NREP: variants seen among roughly 807,000 people sequenced by gnomAD.
NREP encodes the protein neuronal regeneration related protein.
In NREP, 5 loss-of-function variants were observed where a neutral mutation model predicts 8.6. The ratio of observed to expected loss-of-function variants is 0.58; its 90% CI spans 0.30 to 1.22. The LOEUF (loss-of-function observed/expected upper bound fraction) is 1.22. Ranked by LOEUF, NREP falls within the 50% of genes most tolerant of loss-of-function variation. The probability of loss-of-function intolerance (pLI) is 0.07; values close to 1 mark genes in which losing one functional copy is unlikely to be tolerated. For missense variants in NREP, 86 were observed against 82.5 expected (o/e 1.04, Z -0.17); for synonymous variants, 27 against 28.0 (o/e 0.96, Z 0.11).
At chr5:111,784,217 T>C (rs905466467) in intron 2 of NREP, among the ~76,000 whole-genome samples, 1 of 152,086 alleles carries the variant, frequency 6.6e-6, no homozygotes, top group Non-Finnish European at 1.5e-5. Flanking sequence ...ATAAAGGATA[T>C]TGGATTTTTT....
chr5:111,879,744 T>G (rs779671933), intron 2 of NREP, among the ~76,000 whole-genome samples: 1 of 152,232 alleles, frequency 6.6e-6, no homozygotes, highest in Non-Finnish European at 1.5e-5. Flanking sequence ...GGGGCCAGCA[T>G]AGTTGAGCTT....
Position 111,942,739 on chromosome 5 carries a change from A to G in NREP, c.135+32535T>C, listed in dbSNP as rs1434395075. Among the ~76,000 whole-genome samples, 3 of 152,094 alleles carry G rather than the reference A, an allele frequency of 2.0e-5. No individual in the cohort carries two copies. In the East Asian group the frequency reaches 5.8e-4, roughly 29 times the overall value. ...AAAATATTTTACTGTCATCACCCAT[A>G]TAATTAAGAGGCTGTACATAAAAGA... is the stretch of plus-strand genomic sequence containing the variant. On this transcript the variant is annotated intron_variant, in intron 2 of 3. Transcript: ENST00000395634.
At chr5:111,735,583 G>A in intron 2 of NREP, 76 bp from the exon 3 acceptor site, 4 of 1,035,440 alleles carry the variant, frequency 3.9e-6, no homozygotes, top group East Asian at 4.8e-5. Flanking sequence ...TAACCTTAAT[G>A]AGCTCAATTC....
chr5:111,780,159 C>T (rs1751459405), intron 2 of NREP, among the ~76,000 whole-genome samples: 1 of 152,160 alleles, frequency 6.6e-6, no homozygotes, highest in Non-Finnish European at 1.5e-5. Flanking sequence ...GAATAAATCT[C>T]TTCACTGTTC....
At chr5:111,845,857 CAAAAA>C (rs553513873) in intron 2 of NREP, among the ~76,000 whole-genome samples, 4 of 130,100 alleles carry the variant, frequency 3.1e-5, no homozygotes, top group African/African-American at 1.1e-4. Context: ...GTAATTCTAC[CAAAAA>C]AAAAAAAGAA....
At chr5:111,930,837 G>A (rs1281040720) in intron 2 of NREP, among the ~76,000 whole-genome samples, 1 of 152,138 alleles carries the variant, frequency 6.6e-6, no homozygotes, top group Non-Finnish European at 1.5e-5. Flanking sequence ...TGGTCAAGGA[G>A]TTAAGACAGA....
chr5:111,832,947 T>G (rs1752808906), intron 2 of NREP, among the ~76,000 whole-genome samples: 1 of 152,188 alleles, frequency 6.6e-6, no homozygotes, highest in Non-Finnish European at 1.5e-5. Flanking sequence ...TAACCTGGCT[T>G]GGAGGCCACA....
intron 2 of NREP, among the ~76,000 whole-genome samples, chr5:111,963,687 A>T (rs1019897973): frequency 4.6e-5 from 7 of 152,222 alleles, no homozygotes; most frequent in Non-Finnish European, 1.0e-4. Flanking sequence ...AAAAGGAAGA[A>T]AAGACAGAAT....
chr5:111,922,552 G>T (rs1245411408), intron 2 of NREP, among the ~76,000 whole-genome samples: 2 of 152,132 alleles, frequency 1.3e-5, no homozygotes, highest in Non-Finnish European at 2.9e-5. Context: ...CCCATTCTCT[G>T]AGCTCGATGG....
At chr5:111,901,590 G>C (rs1754648723) in intron 2 of NREP, among the ~76,000 whole-genome samples, 1 of 151,992 alleles carries the variant, frequency 6.6e-6, no homozygotes, top group Non-Finnish European at 1.5e-5. Context: ...AAAACTCTTA[G>C]AACTAGTCAA....
At chr5:111,876,089 G>A (rs1200016381) in intron 2 of NREP, among the ~76,000 whole-genome samples, 3 of 152,132 alleles carry the variant, frequency 2.0e-5, no homozygotes, top group Non-Finnish European at 2.9e-5. Flanking sequence ...TTTTCAGCAT[G>A]AGCTGTACTA....
rs560553582 is a variant in NREP, at chr5:111,951,888, G to C, written c.135+23386C>G. ...TTTTCGGGTAATACTAGAAATAATA[G>C]AGCAATCATATAACTGTACCAAGAT... On this transcript the variant is annotated intron_variant, in intron 2 of 3. Transcript: ENST00000395634. Among the ~76,000 whole-genome samples the C allele has an allele frequency of 5.3e-5, 8 of 152,074 alleles. No homozygotes were observed. The East Asian group carries it at 1.4e-3, about 26-fold the overall frequency.
At chr5:111,742,229 C>CAAT (rs1396820364) in intron 2 of NREP, among the ~76,000 whole-genome samples, 1 of 152,108 alleles carries the variant, frequency 6.6e-6, no homozygotes, top group African/African-American at 2.4e-5. Flanking sequence ...AAAAGATTTA[C>CAAT]AATTCTTGAT....
intron 2 of NREP, among the ~76,000 whole-genome samples, chr5:111,896,039 T>C (rs1230408055): frequency 6.6e-6 from 1 of 152,192 alleles, no homozygotes; most frequent in Non-Finnish European, 1.5e-5. Flanking sequence ...AAAGTTATAG[T>C]AGTGCTTTAA....
Position 111,730,755 on chromosome 5 carries a change from G to GGTT in NREP, c.*163_*165dup, listed in dbSNP as rs1748473647. 4.1e-6 allele frequency: 3 copies of GGTT among 723,600 alleles called. No homozygotes were observed. Among genetic ancestry groups the GGTT allele is most frequent in the Non-Finnish European group, 6.7e-6 (3 of 448,232 alleles). The allele number at this position is 723,600 out of a possible 1,614,324, so 44.8% of individuals were successfully genotyped here. On this transcript the variant is annotated 3_prime_UTR_variant, in exon 4 of 4. Coordinates refer to ENST00000257435, the MANE Select transcript of NREP (RefSeq NM_004772.4). Reference sequence around the variant, plus strand: ...ACTTGAGTCAGAATGATTAAAAACTGGTTTGATGACACCTATTTGTCCACT... The same window carrying GGTT: ...ACTTGAGTCAGAATGATTAAAAACTGGTTGTTTGATGACACCTATTTGTCCACT...
chr5:111,974,927 A>C (rs1020374473), intron 2 of NREP, among the ~76,000 whole-genome samples: 7 of 152,228 alleles, frequency 4.6e-5, no homozygotes, highest in Non-Finnish European at 8.8e-5. Context: ...CAGTGATCAC[A>C]TACTGAGAAC....
intron 2 of NREP, among the ~76,000 whole-genome samples, chr5:111,787,437 T>C (rs1188186106): frequency 2.6e-5 from 4 of 152,210 alleles, no homozygotes; most frequent in Admixed American, 6.5e-5. Context: ...CTACAGTAAA[T>C]GCATCTTTGA....
At chr5:111,739,948 G>C (rs961841804) in intron 2 of NREP, among the ~76,000 whole-genome samples, 4 of 151,026 alleles carry the variant, frequency 2.6e-5, no homozygotes, top group East Asian at 3.9e-4. Context: ...TATTCTTCCA[G>C]AAGTCTATTA....
chr5:111,891,341 T>C (rs1217373201), intron 2 of NREP, among the ~76,000 whole-genome samples: 1 of 152,252 alleles, frequency 6.6e-6, no homozygotes, highest in Non-Finnish European at 1.5e-5. Flanking sequence ...GGTTTCACTG[T>C]CCATATCACT....
Sources: gnomAD v4.1 joint callset for allele counts (sites outside exome capture counted in the v4.1 genomes callset) on GRCh38, gnomAD v4.1.1 for gene constraint, MANE v1.5 for transcripts, NCBI Gene and HGNC (gene_info 2026-07-23, HGNC 2026-07-21) for gene names.